ZNF345: variants seen among roughly 807,000 people sequenced by gnomAD.
The protein encoded by ZNF345 is zinc finger protein 345.
For synonymous variants in ZNF345, 166 were observed against 187.9 expected (o/e 0.88, Z 0.95); for missense variants, 527 against 589.9 (o/e 0.89, Z 1.10).
At chr19:36,868,551 T>C (rs939744371) in intron 2 of ZNF345, among the ~76,000 whole-genome samples, 1 of 152,138 alleles carries the variant, frequency 6.6e-6, no homozygotes, top group Non-Finnish European at 1.5e-5. Flanking sequence ...TGAGTCCTAC[T>C]TTTTCATTTT....
intron 3 of ZNF345, among the ~76,000 whole-genome samples, chr19:36,887,925 G>A (rs1004841946): frequency 3.3e-5 from 5 of 152,056 alleles, no homozygotes; most frequent in African/African-American, 1.2e-4. Flanking sequence ...AAAAATAATA[G>A]TTATGTGTAC....
chr19:36,887,172 ACACCACCAC>A (rs146770134), intron 3 of ZNF345, among the ~76,000 whole-genome samples: 15 of 151,184 alleles, frequency 9.9e-5, no homozygotes, highest in Non-Finnish European at 1.3e-4. Flanking sequence ...ATCTCAAAAA[ACACCACCAC>A]CACCACCACC....
chr19:36,886,354 C>G (rs144212112), intron 3 of ZNF345, among the ~76,000 whole-genome samples: 88 of 152,262 alleles, frequency 5.8e-4, no homozygotes, highest in Non-Finnish European at 1.1e-3. Flanking sequence ...CTCCCTCACT[C>G]AGGTGATCAA....
intron 2 of ZNF345, among the ~76,000 whole-genome samples, chr19:36,858,943 A>C (rs1225612891): frequency 6.6e-6 from 1 of 152,150 alleles, no homozygotes; most frequent in Non-Finnish European, 1.5e-5. Context: ...GTTTTGGCAG[A>C]GGCAATCAAC....
chr19:36,874,532 C>T (rs1458413488), intron 2 of ZNF345, among the ~76,000 whole-genome samples: 5 of 149,966 alleles, frequency 3.3e-5, no homozygotes, highest in Non-Finnish European at 5.9e-5. Flanking sequence ...GGCCTGGTGA[C>T]TCATGCCTGT....
At chr19:36,892,355 G>A in intron 3 of ZNF345, 1 of 1,613,650 alleles carries the variant, frequency 6.2e-7, no homozygotes, top group Non-Finnish European at 8.5e-7. Context: ...GTTTTTTGAG[G>A]TGGAATAAGA....
intron 2 of ZNF345, among the ~76,000 whole-genome samples, chr19:36,860,240 A>C (rs1387388065): frequency 6.6e-6 from 1 of 152,186 alleles, no homozygotes; most frequent in Non-Finnish European, 1.5e-5. Flanking sequence ...TACAGGCATG[A>C]GCCACCGCGT....
At chr19:36,853,250 T>TC (rs1458144170) in intron 2 of ZNF345, among the ~76,000 whole-genome samples, 1 of 147,886 alleles carries the variant, frequency 6.8e-6, no homozygotes, top group African/African-American at 2.5e-5. Flanking sequence ...TCTTTCTTTT[T>TC]TTTTTTTTTT....
intron 2 of ZNF345, among the ~76,000 whole-genome samples, chr19:36,870,043 A>C (rs2072742112): frequency 6.6e-6 from 1 of 152,200 alleles, no homozygotes; most frequent in Non-Finnish European, 1.5e-5. Context: ...GGCCTCCCAA[A>C]GTGCTGGGAT....
At chr19:36,883,349 C>T (rs1600722284), downstream of ZNF345, among the ~76,000 whole-genome samples, 1 of 152,186 alleles carries the variant, frequency 6.6e-6, no homozygotes, top group East Asian at 1.9e-4. Flanking sequence ...TCTCTCTGTT[C>T]CCTAAAGATT....
In ZNF345 at chr19:36,877,726, C is replaced by T. The variant is rs1164699464; in HGVS notation, c.896C>T (p.Ser299Leu). The change falls in exon 3 of 3, where the codon TCA (serine) becomes TTA (leucine). Residue 299 changes from serine (S) to leucine (L), a missense_variant. Coordinates refer to ENST00000420450, the MANE Select transcript of ZNF345 (RefSeq NM_001242472.2). ...KECGKAFNSG[S>L]DLTQHQRIHT... ...TGTGGGAAGGCTTTTAATAGTGGCT[C>T]AGATCTCACTCAGCATCAGAGAATT... 1.2e-6 allele frequency: 2 copies of T among 1,614,062 alleles called. No individual in the cohort carries two copies. Among genetic ancestry groups the T allele is most frequent in the Non-Finnish European group, 1.7e-6 (2 of 1,179,980 alleles).
chr19:36,880,683 TG>T (rs1347538049), downstream of ZNF345, among the ~76,000 whole-genome samples: 1 of 152,102 alleles, frequency 6.6e-6, no homozygotes, highest in Non-Finnish European at 1.5e-5. Flanking sequence ...GAGGCTGAGG[TG>T]GGAGGATCAG....
At chr19:36,866,607 T>A (rs890315608) in intron 2 of ZNF345, among the ~76,000 whole-genome samples, 6 of 152,226 alleles carry the variant, frequency 3.9e-5, no homozygotes, top group Non-Finnish European at 7.3e-5. Flanking sequence ...TAGAGTGTAA[T>A]GGCATAATCT....
At chr19:36,881,856 A>G (rs192881274), downstream of ZNF345, among the ~76,000 whole-genome samples, 5 of 152,312 alleles carry the variant, frequency 3.3e-5, no homozygotes, top group Admixed American at 2.6e-4. Context: ...AGTGCATTTT[A>G]GAACTGATAA....
chr19:36,892,713 C>G, intron 3 of ZNF345: 1 of 584,194 alleles, frequency 1.7e-6, no homozygotes, highest in Non-Finnish European at 2.9e-6. Context: ...TGGTCTGAAC[C>G]AGAGTCACCT....
chr19:36,854,769 T>C (rs1214219914), intron 2 of ZNF345, among the ~76,000 whole-genome samples: 2 of 152,220 alleles, frequency 1.3e-5, no homozygotes, highest in Admixed American at 6.5e-5. Context: ...TAATATTTTT[T>C]ATGTTAGTAA....
At position 36,878,375 on chromosome 19, in the gene ZNF345, T is replaced by C; in HGVS notation, c.*78T>C. ...TGGTGAAAATCTCTACAAATAGAAC[T>C]AAGGTACAAATGCCTTACTTATGCT... is the stretch of plus-strand genomic sequence containing the variant. On this transcript the variant is annotated 3_prime_UTR_variant, in exon 3 of 3. Coordinates refer to ENST00000420450, the MANE Select transcript of ZNF345 (RefSeq NM_001242472.2). The C allele has an allele frequency of 7.1e-7, 1 of 1,402,634 alleles. No individual in the cohort carries two copies. The highest frequency in any genetic ancestry group is 1.5e-5 in the South Asian group (1 of 67,604). The allele number at this position is 1,402,634 out of a possible 1,614,324, so 86.9% of individuals were successfully genotyped here.
At chr19:36,852,605 CAA>C (rs758224332) in intron 2 of ZNF345, among the ~76,000 whole-genome samples, 13 of 85,310 alleles carry the variant, frequency 1.5e-4, no homozygotes, top group Non-Finnish European at 1.8e-4. Flanking sequence ...GACTCCATCT[CAA>C]AAAAAAAAAA....
Position 36,855,445 on chromosome 19 carries a change from G to GC in ZNF345, c.-47+3543dup, listed in dbSNP as rs1487574613. On this transcript the variant is annotated intron_variant, in intron 2 of 2. Transcript: ENST00000420450. Reference sequence around the variant, plus strand: ...TTACAGGCGTGAGCCACCGAGCCTGGCCTTTTTTTTTTTTTTTTTTTTTTT... The same window carrying GC: ...TTACAGGCGTGAGCCACCGAGCCTGGCCCTTTTTTTTTTTTTTTTTTTTTTT... 3.1e-4 allele frequency among the ~76,000 whole-genome samples: 35 copies of GC among 112,192 alleles called. 1 individual carries two copies. In the East Asian group the frequency reaches 4.1e-3, roughly 13 times the overall value. 73.6% of individuals were successfully genotyped at this position (112,192 alleles called of 152,430 possible).
Sources: allele counts gnomAD v4.1 joint callset (sites outside exome capture counted in the v4.1 genomes callset), GRCh38; gene constraint gnomAD v4.1.1; transcripts MANE v1.5; gene names NCBI Gene and HGNC (gene_info 2026-07-23, HGNC 2026-07-21).